The following DYRK1A variants were observed in gnomAD, a reference collection of about 807,000 sequenced individuals.
DYRK1A encodes dual specificity tyrosine phosphorylation regulated kinase 1A.
In DYRK1A, 9 loss-of-function variants were observed where a neutral mutation model predicts 79.7. The ratio of observed to expected loss-of-function variants is 0.11; its 90% CI spans 0.07 to 0.20. DYRK1A has a LOEUF of 0.20. Among genes scored for constraint, DYRK1A ranks in the 10% least tolerant of loss-of-function variants. The probability of loss-of-function intolerance (pLI) is 1.00; values close to 1 mark genes in which losing one functional copy is unlikely to be tolerated. For synonymous variants in DYRK1A, 349 were observed against 329.7 expected (o/e 1.06, Z -0.63); for missense variants, 622 against 956.0 (o/e 0.65, Z 4.61).
chr21:37,443,141 A>T (rs2051159208), intron 2 of DYRK1A, among the ~76,000 whole-genome samples: 1 of 151,872 alleles, frequency 6.6e-6, no homozygotes, highest in African/African-American at 2.4e-5. Context: ...AGGGTAGGAG[A>T]TGTCTTTTTT....
chr21:37,369,470 G>A (rs960583529), intron 1 of DYRK1A, among the ~76,000 whole-genome samples: 3 of 152,188 alleles, frequency 2.0e-5, no homozygotes, highest in Non-Finnish European at 4.4e-5. Context: ...ATTTTCCCTG[G>A]TATAGCAGTG....
At chr21:37,371,380 C>T (rs557203088) in intron 1 of DYRK1A, among the ~76,000 whole-genome samples, 7 of 152,318 alleles carry the variant, frequency 4.6e-5, no homozygotes, top group East Asian at 1.9e-4. Flanking sequence ...TATTGCACTG[C>T]GTAAGCCAGC....
At chr21:37,459,404 C>T (rs1278201060) in intron 2 of DYRK1A, among the ~76,000 whole-genome samples, 2 of 152,208 alleles carry the variant, frequency 1.3e-5, no homozygotes, top group Non-Finnish European at 2.9e-5. Flanking sequence ...TTTATATAAG[C>T]AGTCTAATTA....
chr21:37,412,860 A>G (rs950207667), intron 1 of DYRK1A, among the ~76,000 whole-genome samples: 5 of 152,194 alleles, frequency 3.3e-5, no homozygotes, highest in Middle Eastern at 3.2e-3. Context: ...CAGCCACCCA[A>G]CAGCTTGTTA....
At chr21:37,434,962 A>G (rs1171143832) in intron 2 of DYRK1A, among the ~76,000 whole-genome samples, 1 of 152,252 alleles carries the variant, frequency 6.6e-6, no homozygotes, top group Non-Finnish European at 1.5e-5. Flanking sequence ...TGATGGCAGC[A>G]TCTGTTAGAA....
At chr21:37,417,434 T>TA (rs1400795149) in intron 1 of DYRK1A, among the ~76,000 whole-genome samples, 2 of 151,924 alleles carry the variant, frequency 1.3e-5, no homozygotes, top group Middle Eastern at 3.4e-3. Flanking sequence ...CCTCAGGTGA[T>TA]ACGCCCACCT....
At chr21:37,420,181 A>C (rs955304457) in intron 1 of DYRK1A, 118 bp from the exon 2 acceptor site, 2 of 402,608 alleles carry the variant, frequency 5.0e-6, no homozygotes, top group Non-Finnish European at 8.7e-6. Context: ...TGAATTTTGC[A>C]AATTTGAAGT....
intron 1 of DYRK1A, among the ~76,000 whole-genome samples, chr21:37,368,584 C>T (rs757411002): frequency 2.0e-5 from 3 of 152,172 alleles, no homozygotes; most frequent in Non-Finnish European, 4.4e-5. Flanking sequence ...AGAAAATACG[C>T]CTTAGAACGT....
chr21:37,413,082 A>G (rs1346488715), intron 1 of DYRK1A, among the ~76,000 whole-genome samples: 2 of 152,216 alleles, frequency 1.3e-5, no homozygotes, highest in African/African-American at 2.4e-5. Flanking sequence ...GTGAAATACA[A>G]GAACATACAT....
intron 1 of DYRK1A, among the ~76,000 whole-genome samples, chr21:37,368,352 C>T (rs536627695): frequency 6.6e-6 from 1 of 152,212 alleles, no homozygotes; most frequent in Non-Finnish European, 1.5e-5. Context: ...TAGGCACAAA[C>T]CCACTCTCGC....
Position 37,517,878 on chromosome 21 carries a change from C to G in DYRK1A, c.*5347C>G, listed in dbSNP as rs1034201265. 1 of 152,124 alleles carries G rather than the reference C, an allele frequency of 6.6e-6. No homozygotes were observed. Among genetic ancestry groups the G allele is most frequent in the Non-Finnish European group, 1.5e-5 (1 of 68,026 alleles). The allele number at this position is 152,124 out of a possible 1,614,324, so 9.4% of individuals were successfully genotyped here. On this transcript the variant is annotated 3_prime_UTR_variant, in exon 12 of 12. Transcript: ENST00000647188. ...AAATACCTCTAGTGGCATGAAACGG[C>G]TAAGTTTTTTTTAATGTTACTTCTT...
intron 1 of DYRK1A, among the ~76,000 whole-genome samples, chr21:37,391,328 A>G (rs2049866301): frequency 6.6e-6 from 1 of 150,574 alleles, no homozygotes; most frequent in Admixed American, 6.6e-5. Flanking sequence ...CTTCAACTGT[A>G]GACACTTATT....
At chr21:37,381,126 A>G (rs2049650040) in intron 1 of DYRK1A, among the ~76,000 whole-genome samples, 1 of 152,228 alleles carries the variant, frequency 6.6e-6, no homozygotes, top group Non-Finnish European at 1.5e-5. Flanking sequence ...CTTGGCACAT[A>G]GTAAACACTA....
intron 2 of DYRK1A, among the ~76,000 whole-genome samples, chr21:37,450,847 G>A (rs2051423606): frequency 6.6e-6 from 1 of 152,148 alleles, no homozygotes; most frequent in African/African-American, 2.4e-5. Context: ...CATGCTGATG[G>A]CTTTAGCAGG....
intron 2 of DYRK1A, among the ~76,000 whole-genome samples, chr21:37,461,801 T>C (rs191103590): frequency 6.9e-4 from 105 of 152,078 alleles, no homozygotes; most frequent in African/African-American, 2.2e-3. Flanking sequence ...TTTTTCTTCA[T>C]CATTGGTTTT....
chr21:37,486,624 C>G lies in DYRK1A; in HGVS notation c.637+10C>G. The G allele has an allele frequency of 2.0e-6, 3 of 1,537,364 alleles. No homozygotes were observed. Among genetic ancestry groups the G allele is most frequent in the Non-Finnish European group, 2.6e-6 (3 of 1,142,574 alleles). ...ATGAAATACTACATAGGTAAACAAA[C>G]AGGCAAACAGCGCAGTGTGCCCCAA... On this transcript the variant is annotated intron_variant, in intron 6 of 11. Coordinates refer to ENST00000647188, the MANE Select transcript of DYRK1A (RefSeq NM_001347721.2).
At chr21:37,400,818 G>A (rs537854285) in intron 1 of DYRK1A, among the ~76,000 whole-genome samples, 46 of 152,152 alleles carry the variant, frequency 3.0e-4, no homozygotes, top group Non-Finnish European at 3.5e-4. Flanking sequence ...TACTATGATT[G>A]TACCCTTTCT....
chr21:37,401,499 G>A (rs1293895111), intron 1 of DYRK1A, among the ~76,000 whole-genome samples: 1 of 112,440 alleles, frequency 8.9e-6, no homozygotes, highest in African/African-American at 3.4e-5. Context: ...TTTTTTTTTG[G>A]GAGACAGAGT....
intron 3 of DYRK1A, among the ~76,000 whole-genome samples, chr21:37,476,973 A>G (rs1004109290): frequency 2.0e-5 from 3 of 152,202 alleles, no homozygotes; most frequent in Non-Finnish European, 4.4e-5. Context: ...TTGGTTCATG[A>G]TAAAGCGCAC....
Sources: allele counts gnomAD v4.1 joint callset (sites outside exome capture counted in the v4.1 genomes callset), GRCh38; gene constraint gnomAD v4.1.1; transcripts MANE v1.5; gene names NCBI Gene and HGNC (gene_info 2026-07-23, HGNC 2026-07-21).